CARMIL2: variants seen among roughly 807,000 people sequenced by gnomAD.
CARMIL2 encodes capping protein, Arp2/3 and myosin-I linker protein 2.
A neutral mutation model predicts 173.3 loss-of-function variants in CARMIL2; 96 were observed. That is an observed-to-expected ratio of 0.55 (90% CI 0.47 to 0.66). CARMIL2 has a LOEUF of 0.66. Among genes scored for constraint, CARMIL2 ranks in the 30% least tolerant of loss-of-function variants. CARMIL2 has a pLI of 0.00. For missense variants in CARMIL2, 1,771 were observed against 1,906.7 expected (o/e 0.93, Z 1.33); for synonymous variants, 830 against 817.1 (o/e 1.02, Z -0.27).
chr16:67,645,539 G>A lies in CARMIL2; in HGVS notation c.41-1G>A, dbSNP rs1261623452. 1.3e-6 allele frequency: 2 copies of A among 1,597,612 alleles called. No individual in the cohort carries two copies. Among genetic ancestry groups the A allele is most frequent in the Non-Finnish European group, 8.5e-7 (1 of 1,172,418 alleles). ...TCACCCAGCAGGCTGCCCTTCCACA[G>A]GCGAGATCACCAGGTTCCTGTGGCC... On this transcript the variant is annotated splice_acceptor_variant, in intron 1 of 37. Transcript: ENST00000334583. LOFTEE classifies it high-confidence loss of function.
chr16:67,647,474 G>T (rs1233025741), intron 10 of CARMIL2, 34 bp from the exon 11 acceptor site: 3 of 1,573,114 alleles, frequency 1.9e-6, no homozygotes, highest in Non-Finnish European at 2.6e-6. Flanking sequence ...GGCAAACCAG[G>T]GGCAGAATCT....
At chr16:67,654,053 T>A in intron 29 of CARMIL2, 96 bp from the exon 30 acceptor site, 1 of 767,058 alleles carries the variant, frequency 1.3e-6, no homozygotes, top group Non-Finnish European at 2.0e-6. Context: ...TCTGGAATCC[T>A]GGAGTTATTC....
rs2052869279 is a variant in CARMIL2 at position 67,656,801 on chromosome 16, A to G, written c.4037A>G (p.Asp1346Gly). The G allele has an allele frequency of 1.3e-6, 2 of 1,551,106 alleles. No individual in the cohort carries two copies. The highest frequency in any genetic ancestry group is 2.0e-5 in the Admixed American group (1 of 50,954). ...EDPCLGPRNE[D>G]GQLRPRPLSA... ...CCCCTGATTCCCTGGCCTCCCTCAG[A>G]TGGCCAGCTGAGGCCGAGGCCTCTC... is the stretch of plus-strand genomic sequence containing the variant. The change falls in exon 36 of 38, where the codon GAT becomes GGT. Residue 1346 changes from aspartate to glycine, a missense_variant and splice_region_variant. Physicochemically the swap from Asp to Gly is moderately conservative, Grantham distance 94 (BLOSUM62 -1). Coordinates refer to ENST00000334583, the MANE Select transcript of CARMIL2 (RefSeq NM_001013838.3).
chr16:67,647,670 A>AC lies in CARMIL2; in HGVS notation c.872-4dup. On this transcript the variant is annotated splice_polypyrimidine_tract_variant and intron_variant, in intron 11 of 37. Transcript: ENST00000334583. Reference sequence around the variant, plus strand: ...AGGTGAGACCCACGTGGCTGTTCCCACCCCCCAAGGCATGACTGCACTCAG... The same window carrying AC: ...AGGTGAGACCCACGTGGCTGTTCCCACCCCCCCAAGGCATGACTGCACTCAG... 5.0e-6 allele frequency: 8 copies of AC among 1,598,314 alleles called. No individual in the cohort carries two copies. Among genetic ancestry groups the AC allele is most frequent in the Non-Finnish European group, 5.1e-6 (6 of 1,173,814 alleles).
chr16:67,645,652 C>A (rs1447372455), intron 2 of CARMIL2, 21 bp downstream of exon 2: 1 of 1,613,146 alleles, frequency 6.2e-7, no homozygotes, highest in East Asian at 2.2e-5. Flanking sequence ...GGGGACAGAG[C>A]CGGGGAGGCG....
At position 67,652,980 on chromosome 16, in the gene CARMIL2, G is replaced by GGCTCGGC. The variant is rs746035425; in HGVS notation, c.2885-32_2885-26dup. On this transcript the variant is annotated intron_variant, in intron 28 of 37. Transcript: ENST00000334583. The surrounding 1 kb of genome is among the most constrained non-coding windows in gnomAD (Gnocchi z 4.7). ...TAGCGCCTCCGCCGCCACCTCCCCG[G>GGCTCGGC]GCTCGGCGCTCGGTGCTCTTCTGGT... The GGCTCGGC allele has an allele frequency of 8.8e-7, 1 of 1,137,234 alleles. No homozygotes were observed. Among genetic ancestry groups the GGCTCGGC allele is most frequent in the African/African-American group, 1.7e-5 (1 of 58,944 alleles). The allele number at this position is 1,137,234 out of a possible 1,614,324, so 70.4% of individuals were successfully genotyped here. A position where few individuals can be genotyped will look rare whatever the true frequency, so the allele number is the denominator to read the frequency against.
rs2142934020 is a variant in CARMIL2 at position 67,651,574 on chromosome 16, AGTTTT to A, written c.2427+61_2427+65del. 2 of 1,562,766 alleles carry A rather than the reference AGTTTT, an allele frequency of 1.3e-6. No individual in the cohort carries two copies. Among genetic ancestry groups the A allele is most frequent in the East Asian group, 4.7e-5 (2 of 42,230 alleles). ...TTTGCAGGTTTGACTCCCATCCTTT[AGTTTT>A]AACTGTGATATCCCCTGACTCAATA... On this transcript the variant is annotated intron_variant, in intron 24 of 37. Coordinates refer to ENST00000334583, the MANE Select transcript of CARMIL2 (RefSeq NM_001013838.3). This position sits in a 1 kb window ranked among gnomAD's most constrained non-coding sequence, Gnocchi z 4.2.
Position 67,649,493 on chromosome 16 carries a change from C to T in CARMIL2, c.1793C>T (p.Ala598Val), listed in dbSNP as rs1423689415. Residue 598 changes from alanine to valine, a missense_variant, in exon 20 of 38, where the codon GCC becomes GTC. Physicochemically the swap from Ala to Val is moderately conservative, Grantham distance 64. Transcript: ENST00000334583. The surrounding 1 kb of genome is among the most constrained non-coding windows in gnomAD (Gnocchi z 6.7). ...SVAESRLKLG[A>V]SVLLRALATN... ...GCTGAGTCTCGGCTGAAGCTGGGTG[C>T]CAGCGTCCTACTCCGGGCCCTAGCC... 3 of 1,610,304 alleles carry T rather than the reference C, an allele frequency of 1.9e-6. No homozygotes were observed. The highest frequency in any genetic ancestry group is 2.5e-6 in the Non-Finnish European group (3 of 1,179,878).
rs1213633144 is a variant in CARMIL2 at position 67,656,296 on chromosome 16, G to C, written c.3811G>C (p.Ala1271Pro). 1 of 1,613,994 alleles carries C rather than the reference G, an allele frequency of 6.2e-7. No individual in the cohort carries two copies. Among genetic ancestry groups the C allele is most frequent in the Admixed American group, 1.7e-5 (1 of 60,026 alleles). The change falls in exon 34 of 38, where the codon GCT (alanine) becomes CCT (proline). Residue 1271 changes from alanine to proline, a missense_variant. Transcript: ENST00000334583. The part of the protein sequence containing the change: ...SIKSRTHSVS[A>P]DPSCRPGPGS... ...CAAGTCCCGCACCCACTCTGTGTCT[G>C]CTGGTGAGTGAGGGCCACTGTGTGT...
rs777577982 is a variant in CARMIL2 at position 67,647,279 on chromosome 16, C to T, written c.688-20C>T. 44 of 1,609,322 alleles carry T rather than the reference C, an allele frequency of 2.7e-5. No homozygotes were observed. In the East Asian group the frequency reaches 6.7e-4, roughly 25 times the overall value. On this transcript the variant is annotated intron_variant, in intron 9 of 37. Transcript: ENST00000334583. ...GAGGGCCAGGGTGCAGCCCGTGAGC[C>T]GCCGCCCTCTGCTTCTCAGAGCCTT...
In CARMIL2 at chr16:67,649,036, C is replaced by A; in HGVS notation, c.1592-40C>A. On this transcript the variant is annotated intron_variant, in intron 17 of 37. Transcript: ENST00000334583. The surrounding 1 kb of genome is among the most constrained non-coding windows in gnomAD (Gnocchi z 6.7). ...CTCGATTCCCAATCCCCACCCTACC[C>A]TTGCAACTTCGCCTCGTGCGTGACC... 6.2e-7 allele frequency: 1 copy of A among 1,604,870 alleles called. No homozygotes were observed. The highest frequency in any genetic ancestry group is 2.3e-5 in the East Asian group (1 of 44,380).
intron 9 of CARMIL2, 48 bp from the exon 10 acceptor site, chr16:67,647,251 G>A (rs776419497): frequency 3.7e-6 from 6 of 1,610,604 alleles, no homozygotes; most frequent in African/African-American, 1.3e-5. Context: ...GGTGCAGCCC[G>A]CTGAGGGCCA....
intron 2 of CARMIL2, 32 bp downstream of exon 2, chr16:67,645,663 G>A: frequency 6.2e-7 from 1 of 1,612,720 alleles, no homozygotes. Context: ...CGGGGAGGCG[G>A]CTGTGGCCCC....
At position 67,656,666 on chromosome 16, in the gene CARMIL2, C is replaced by T. The variant is rs1357635164; in HGVS notation, c.4036+21C>T. ...TGAAGGTAGGCAGGCACCTGATTCC[C>T]CACCCCAATCCTGGCCTCGGGGCTG... On this transcript the variant is annotated intron_variant, in intron 35 of 37. Transcript: ENST00000334583. 3 of 1,575,010 alleles carry T rather than the reference C, an allele frequency of 1.9e-6. No individual in the cohort carries two copies. The African/African-American group carries it at 4.1e-5, about 21-fold the overall frequency.
In CARMIL2 at chr16:67,654,429, C is replaced by T. The variant is rs762295013; in HGVS notation, c.3319C>T (p.Pro1107Ser). 5 of 1,612,158 alleles carry T rather than the reference C, an allele frequency of 3.1e-6. No individual in the cohort carries two copies. The South Asian group carries it at 4.4e-5, about 14-fold the overall frequency. Reference sequence around the variant, plus strand: ...GGGCACCCTCTTTGCCTTCAAGAAGCCTCGTTCAACGCGGGGTCCACGGAC... The same window carrying T: ...GGGCACCCTCTTTGCCTTCAAGAAGTCTCGTTCAACGCGGGGTCCACGGAC... The part of the protein sequence containing the change: ...KLGTLFAFKK[P>S]RSTRGPRTDL... Residue 1107 changes from proline (P) to serine (S), a missense_variant, in exon 31 of 38, where the codon CCT (proline) becomes TCT (serine). Pro to Ser is a moderately conservative substitution (Grantham distance 74). Coordinates refer to ENST00000334583, the MANE Select transcript of CARMIL2 (RefSeq NM_001013838.3).
chr16:67,648,649 C>G lies in CARMIL2; in HGVS notation c.1440-36C>G. Reference sequence around the variant, plus strand: ...CGTTCGCACCCTGGAGCCCCCTGTCCCAGCTCCCGCCACCCCGTGTAACGT... The same window carrying G: ...CGTTCGCACCCTGGAGCCCCCTGTCGCAGCTCCCGCCACCCCGTGTAACGT... On this transcript the variant is annotated intron_variant, in intron 15 of 37. Coordinates refer to ENST00000334583, the MANE Select transcript of CARMIL2 (RefSeq NM_001013838.3). This position sits in a 1 kb window ranked among gnomAD's most constrained non-coding sequence, Gnocchi z 6.1. The G allele has an allele frequency of 1.3e-6, 2 of 1,580,386 alleles. No individual in the cohort carries two copies. Among genetic ancestry groups the G allele is most frequent in the African/African-American group, 1.4e-5 (1 of 74,040 alleles).
rs765304427 is a variant in CARMIL2, at chr16:67,649,797, C to G, written c.1920-9C>G. ...GCTCCGTCCCCGACTGAAGCCAGGC[C>G]CGGCCCAGGTCTGTGGTCTGGGACC... On this transcript the variant is annotated splice_polypyrimidine_tract_variant and intron_variant, in intron 20 of 37. Coordinates refer to ENST00000334583, the MANE Select transcript of CARMIL2 (RefSeq NM_001013838.3). The surrounding 1 kb of genome is among the most constrained non-coding windows in gnomAD (Gnocchi z 6.7). 3.7e-6 allele frequency: 6 copies of G among 1,607,582 alleles called. No homozygotes were observed. The highest frequency in any genetic ancestry group is 5.1e-6 in the Non-Finnish European group (6 of 1,176,418).
Position 67,646,783 on chromosome 16 carries a change from G to A in CARMIL2, c.536G>A (p.Trp179Ter). 1 of 1,613,942 alleles carries A rather than the reference G, an allele frequency of 6.2e-7. No individual in the cohort carries two copies. Among genetic ancestry groups the A allele is most frequent in the African/African-American group, 1.3e-5 (1 of 75,044 alleles). ...NGFPFREEIQ[W>*]DVDTIYHRQG... Reference sequence around the variant, plus strand: ...TTCCCTTTCCGAGAGGAGATTCAGTGGGTGAGGGTAGGGCCCTTTTGAAGG... The same window carrying A: ...TTCCCTTTCCGAGAGGAGATTCAGTAGGTGAGGGTAGGGCCCTTTTGAAGG... The change falls in exon 7 of 38, where the codon TGG becomes TAG. Residue 179 changes from tryptophan (W) to a stop codon, truncating the protein, a stop_gained and splice_region_variant. Transcript: ENST00000334583. LOFTEE classifies it high-confidence loss of function. The surrounding 1 kb of genome is among the most constrained non-coding windows in gnomAD (Gnocchi z 4.6).
rs548621316 is a variant in CARMIL2 at position 67,645,257 on chromosome 16, C to T, written c.11C>T (p.Thr4Ile). The T allele has an allele frequency of 9.4e-6, 15 of 1,601,500 alleles. No homozygotes were observed. In the South Asian group the frequency reaches 1.5e-4, roughly 16 times the overall value. ...CGGCCCGCCCGGCCCATGGCCCAGA[C>T]CCCCGACGGCATCTCCTGTGAGCTC... MAQ[T>I]PDGISCELRG... The change falls in exon 1 of 38, where the codon ACC becomes ATC. Residue 4 changes from threonine to isoleucine, a missense_variant. Physicochemically the swap from Thr to Ile is moderately conservative, Grantham distance 89 (BLOSUM62 -1). Transcript: ENST00000334583.
Sources: allele counts gnomAD v4.1 joint callset, GRCh38; gene constraint gnomAD v4.1.1; non-coding constraint Gnocchi (gnomAD v3.1); transcripts MANE v1.5; gene names NCBI Gene and HGNC (gene_info 2026-07-23, HGNC 2026-07-21).